COL17A1: variants seen among roughly 807,000 people sequenced by gnomAD.
COL17A1 encodes collagen alpha-1(XVII) chain.
COL17A1 carries 181 observed loss-of-function variants against 218.4 expected under a neutral mutation model. The observed-to-expected ratio is 0.83, with a 90% CI of 0.73 to 0.94. The LOEUF is 0.94. Among genes scored for constraint, COL17A1 ranks in the 40% least tolerant of loss-of-function variants. The pLI is 0.00. For missense variants in COL17A1, 1,924 were observed against 1,945.9 expected, an observed-to-expected ratio of 0.99 and a Z score of 0.21; for synonymous variants, 721 against 731.0, an observed-to-expected ratio of 0.99 and a Z score of 0.22.
At chr10:104,035,695 A>G in intron 48 of COL17A1, 132 bp from the exon 49 acceptor site, 1 of 741,104 alleles carries the variant, frequency 1.3e-6, no homozygotes, top group Non-Finnish European at 2.2e-6. Flanking sequence ...GCAGGAAGAG[A>G]GGCAGAGAGG....
chr10:104,072,797 A>G (rs1015615330), intron 7 of COL17A1, among the ~76,000 whole-genome samples: 1 of 152,114 alleles, frequency 6.6e-6, no homozygotes, highest in Non-Finnish European at 1.5e-5. Context: ...GGAGCTGTTT[A>G]TCTCCTGGAT....
chr10:104,052,254 G>A, intron 23 of COL17A1, 37 bp from the exon 24 acceptor site: 1 of 1,613,428 alleles, frequency 6.2e-7, no homozygotes, highest in Non-Finnish European at 8.5e-7. Context: ...TTTGGGAGAG[G>A]CCCCAGTGTG....
chr10:104,045,612 T>A, intron 33 of COL17A1, 146 bp downstream of exon 33: 1 of 756,334 alleles, frequency 1.3e-6, no homozygotes. Context: ...ATCCCTGGGC[T>A]CCCAGCCTCA....
chr10:104,080,762 G>T, intron 1 of COL17A1, 78 bp from the exon 2 acceptor site: 1 of 1,434,612 alleles, frequency 7.0e-7, no homozygotes. Flanking sequence ...TGTTGAAGCT[G>T]ATAACCAAAA....
At position 104,033,296 on chromosome 10, in the gene COL17A1, G is replaced by A; in HGVS notation, c.4236C>T (p.Ile1412=). 6.2e-7 allele frequency: 1 copy of A among 1,602,396 alleles called. No individual in the cohort carries two copies. Among genetic ancestry groups the A allele is most frequent in the Non-Finnish European group, 8.5e-7 (1 of 1,174,512 alleles). Residue 1412 remains isoleucine, a synonymous_variant, in exon 53 of 56, where the codon ATC becomes ATT. Transcript: ENST00000648076. ...GQPGPQGPPG[I]SKVFSAYSNV... ...TGCTGTAGGCAGAGAAGACCTTGCT[G>A]ATGCCGGGTGGCCCCTGTGGCCCAG...
chr10:104,043,594 G>C lies in COL17A1; in HGVS notation c.2435-13C>G, dbSNP rs1251210902. On this transcript the variant is annotated splice_polypyrimidine_tract_variant and intron_variant, in intron 34 of 55. Transcript: ENST00000648076. ...ATCGATGACCCCTCTGAAAACAGAAGGCACATGGAACATTGAGCCCTACTT... is the reference window on the plus strand; with the variant it reads ...ATCGATGACCCCTCTGAAAACAGAACGCACATGGAACATTGAGCCCTACTT... 2 of 1,613,768 alleles carry C rather than the reference G, an allele frequency of 1.2e-6. No individual in the cohort carries two copies. The highest frequency in any genetic ancestry group is 1.7e-6 in the Non-Finnish European group (2 of 1,179,910).
At chr10:104,047,641 A>C (rs1044026438) in intron 31 of COL17A1, 98 bp downstream of exon 31, 3 of 1,000,208 alleles carry the variant, frequency 3.0e-6, no homozygotes, top group Non-Finnish European at 3.2e-6. Context: ...CACAACCTGC[A>C]CACCTGCACA....
chr10:104,034,868 G>T, intron 50 of COL17A1, 101 bp from the exon 51 acceptor site: 1 of 1,468,972 alleles, frequency 6.8e-7, no homozygotes, highest in Non-Finnish European at 9.3e-7. Flanking sequence ...TGAAAGGAGG[G>T]GATGAGGCTG....
intron 18 of COL17A1, 33 bp downstream of exon 18, chr10:104,055,749 G>A (rs1270814256): frequency 3.7e-6 from 6 of 1,612,262 alleles, no homozygotes; most frequent in East Asian, 2.2e-5. Flanking sequence ...AGGGACTCAG[G>A]GGAGCTGGCC....
At chr10:104,057,703 T>A (rs931550079) in intron 16 of COL17A1, among the ~76,000 whole-genome samples, 7 of 151,946 alleles carry the variant, frequency 4.6e-5, no homozygotes, top group Admixed American at 6.6e-5. Context: ...TTTTTTGTAA[T>A]GAAAAGTGTT....
intron 39 of COL17A1, 76 bp downstream of exon 39, chr10:104,040,989 C>G: frequency 1.3e-6 from 2 of 1,545,504 alleles, no homozygotes; most frequent in Non-Finnish European, 8.9e-7. Flanking sequence ...GTTGTGACCA[C>G]AAGGCTACGG....
intron 7 of COL17A1, 28 bp downstream of exon 7, chr10:104,073,182 T>C: frequency 6.2e-7 from 1 of 1,607,598 alleles, no homozygotes; most frequent in Non-Finnish European, 8.5e-7. Flanking sequence ...GTTGAATGAA[T>C]TGGACTGAAC....
At chr10:104,054,057 A>C (rs928643898) in intron 21 of COL17A1, 35 bp downstream of exon 21, 1 of 1,613,706 alleles carries the variant, frequency 6.2e-7, no homozygotes, top group South Asian at 1.1e-5. Flanking sequence ...CAGCTGCAAC[A>C]CTGGCAGGCC....
chr10:104,076,695 G>C (rs1359146108), intron 4 of COL17A1, among the ~76,000 whole-genome samples: 41 of 152,326 alleles, frequency 2.7e-4, no homozygotes, highest in Non-Finnish European at 8.8e-5. Context: ...TGCTTGGATG[G>C]ACTAGAATAT....
intron 36 of COL17A1, among the ~76,000 whole-genome samples, chr10:104,042,168 C>T (rs541663602): frequency 1.3e-5 from 2 of 152,310 alleles, no homozygotes; most frequent in African/African-American, 4.8e-5. Context: ...GTCAGCTGTA[C>T]ACTCCTGCCA....
chr10:104,048,017 G>C, intron 30 of COL17A1, 52 bp downstream of exon 30: 1 of 1,608,748 alleles, frequency 6.2e-7, no homozygotes, highest in Non-Finnish European at 8.5e-7. Context: ...CTGCATGCTG[G>C]AACAGGGGCT....
At chr10:104,055,593 T>C (rs896398557) in intron 18 of COL17A1, among the ~76,000 whole-genome samples, 189 bp downstream of exon 18, 1 of 152,106 alleles carries the variant, frequency 6.6e-6, no homozygotes, top group Non-Finnish European at 1.5e-5. Flanking sequence ...GAACTCAGTT[T>C]TTCCAGGAGT....
chr10:104,036,173 T>TATGGGAGAGTGTGTGTGTTTGGGA (rs2086295197), intron 48 of COL17A1, among the ~76,000 whole-genome samples: 1 of 9,068 alleles, frequency 1.1e-4, no homozygotes, highest in African/African-American at 2.9e-4. Flanking sequence ...TATGGGTGTG[T>TATGGGAGAGTGTGTGTGTTTGGGA]GTGTATGGAA....
intron 16 of COL17A1, among the ~76,000 whole-genome samples, chr10:104,057,777 A>G (rs1351098991): frequency 6.6e-6 from 1 of 152,122 alleles, no homozygotes; most frequent in African/African-American, 2.4e-5. Flanking sequence ...GTGGAAGGAA[A>G]TGAGGAAAGG....
Sources: gnomAD v4.1 joint callset for allele counts (sites outside exome capture counted in the v4.1 genomes callset) on GRCh38, gnomAD v4.1.1 for gene constraint, MANE v1.5 for transcripts, NCBI Gene and HGNC (gene_info 2026-07-23, HGNC 2026-07-21) for gene names.